The following PAMR1 variants were observed in gnomAD, a reference collection of about 807,000 sequenced individuals.
The protein encoded by PAMR1 is inactive serine protease PAMR1.
PAMR1 carries 88 observed loss-of-function variants against 81.8 expected under a neutral mutation model. That is an observed-to-expected ratio of 1.08 (90% CI 0.91 to 1.28). PAMR1 has a LOEUF of 1.28. PAMR1 is among the 50% of genes most tolerant of loss of function. PAMR1 has a pLI of 0.00. For synonymous variants in PAMR1, 336 were observed against 345.3 expected, an observed-to-expected ratio of 0.97 and a Z score of 0.30; for missense variants, 935 against 919.7, an observed-to-expected ratio of 1.02 and a Z score of -0.21.
chr11:35,462,768 C>A (rs981174992), intron 6 of PAMR1, among the ~76,000 whole-genome samples: 4 of 152,120 alleles, frequency 2.6e-5, no homozygotes, highest in Admixed American at 6.5e-5. Flanking sequence ...GAAAGTGAGG[C>A]TCATAGGAGC....
chr11:35,493,292 G>A (rs1197414518), intron 2 of PAMR1, among the ~76,000 whole-genome samples: 1 of 152,114 alleles, frequency 6.6e-6, no homozygotes, highest in Non-Finnish European at 1.5e-5. Context: ...GATTTCCAAT[G>A]TTATCAAAAT....
At chr11:35,435,609 G>A (rs1011924652) in intron 9 of PAMR1, among the ~76,000 whole-genome samples, 2 of 152,102 alleles carry the variant, frequency 1.3e-5, no homozygotes, top group African/African-American at 4.8e-5. Flanking sequence ...TATAACTTGA[G>A]GCCCTCTGGC....
intron 1 of PAMR1, among the ~76,000 whole-genome samples, chr11:35,498,109 T>C (rs1278438234): frequency 6.6e-6 from 1 of 152,228 alleles, no homozygotes; most frequent in Non-Finnish European, 1.5e-5. Context: ...GGAATGTGTG[T>C]TATTAATAAT....
chr11:35,434,951 C>T (rs1856004039), intron 9 of PAMR1, 147 bp from the exon 10 acceptor site: 1 of 732,996 alleles, frequency 1.4e-6, no homozygotes. Context: ...TTTTCTTCTG[C>T]ATTTAAATAT....
chr11:35,454,115 T>G (rs925798989), intron 6 of PAMR1, among the ~76,000 whole-genome samples: 1 of 152,264 alleles, frequency 6.6e-6, no homozygotes, highest in Non-Finnish European at 1.5e-5. Flanking sequence ...GCATATGTGA[T>G]GGCTTTGGAA....
chr11:35,481,629 T>C (rs896976877), intron 3 of PAMR1, among the ~76,000 whole-genome samples: 21 of 152,096 alleles, frequency 1.4e-4, no homozygotes, highest in African/African-American at 4.3e-4. Flanking sequence ...TTCAAACAAT[T>C]TTCCTGCCTC....
chr11:35,492,506 T>G (rs1850650445), intron 2 of PAMR1, among the ~76,000 whole-genome samples: 1 of 152,178 alleles, frequency 6.6e-6, no homozygotes, highest in Non-Finnish European at 1.5e-5. Context: ...TGTGGAATTT[T>G]TAGAAAATTT....
intron 1 of PAMR1, among the ~76,000 whole-genome samples, chr11:35,515,281 C>T (rs1851141498): frequency 6.6e-6 from 1 of 152,206 alleles, no homozygotes; most frequent in Non-Finnish European, 1.5e-5. Flanking sequence ...ATTACTGTTA[C>T]TGTCCTCCTA....
chr11:35,464,671 G>T (rs1420183608), intron 6 of PAMR1, among the ~76,000 whole-genome samples: 1 of 152,102 alleles, frequency 6.6e-6, no homozygotes, highest in Non-Finnish European at 1.5e-5. Flanking sequence ...ACTTAGGTTT[G>T]CATACCGCAG....
chr11:35,508,402 A>C (rs1565358965), intron 1 of PAMR1, among the ~76,000 whole-genome samples: 1 of 151,074 alleles, frequency 6.6e-6, no homozygotes, highest in Non-Finnish European at 1.5e-5. Flanking sequence ...CCCATATTTG[A>C]GTTCTGGGAC....
At chr11:35,442,132 A>G (rs568356241) in intron 6 of PAMR1, among the ~76,000 whole-genome samples, 1 of 152,380 alleles carries the variant, frequency 6.6e-6, no homozygotes, top group South Asian at 2.1e-4. Flanking sequence ...TATTGTACCC[A>G]GAAAGTAGAG....
intron 1 of PAMR1, among the ~76,000 whole-genome samples, chr11:35,503,861 C>A (rs995362044): frequency 2.6e-4 from 39 of 152,076 alleles, no homozygotes; most frequent in Admixed American, 2.2e-3. Context: ...TCCTTGATTT[C>A]TTTCTCTTGT....
At chr11:35,454,367 G>A (rs1856481373) in intron 6 of PAMR1, among the ~76,000 whole-genome samples, 1 of 152,176 alleles carries the variant, frequency 6.6e-6, no homozygotes, top group Non-Finnish European at 1.5e-5. Context: ...ATGACTGATG[G>A]ATATGGAAGT....
At chr11:35,516,904 A>C (rs1214298707) in intron 1 of PAMR1, among the ~76,000 whole-genome samples, 1 of 152,202 alleles carries the variant, frequency 6.6e-6, no homozygotes, top group Non-Finnish European at 1.5e-5. Flanking sequence ...GGGGCAGCTC[A>C]AACAAATAAT....
chr11:35,436,160 AG>A (rs1192327375), intron 8 of PAMR1, 25 bp from the exon 9 acceptor site: 10 of 1,487,524 alleles, frequency 6.7e-6, no homozygotes, highest in African/African-American at 1.4e-5. Flanking sequence ...ATGGGCCCAG[AG>A]AAAGAGCAGG....
chr11:35,471,701 A>G (rs1273125572), intron 4 of PAMR1, among the ~76,000 whole-genome samples: 1 of 152,184 alleles, frequency 6.6e-6, no homozygotes, highest in Non-Finnish European at 1.5e-5. Flanking sequence ...ACACTGAGAT[A>G]CACCAGATTG....
intron 1 of PAMR1, among the ~76,000 whole-genome samples, chr11:35,515,954 A>G (rs1160754773): frequency 6.6e-6 from 1 of 152,224 alleles, no homozygotes; most frequent in Non-Finnish European, 1.5e-5. Context: ...GAAAACACCC[A>G]GTATCATTCC....
At chr11:35,445,021 A>T (rs1464951560) in intron 6 of PAMR1, among the ~76,000 whole-genome samples, 1 of 152,128 alleles carries the variant, frequency 6.6e-6, no homozygotes, top group Non-Finnish European at 1.5e-5. Context: ...TTCCTTGAGC[A>T]GTGGTTTGTA....
Position 35,474,723 on chromosome 11 carries a change from G to T in PAMR1, c.401C>A (p.Ala134Asp), listed in dbSNP as rs745624580. Reference sequence around the variant, plus strand: ...TTCCAACAAAATCTGACCCTTTGGGGCTCGCAGAACCTGGCCACATCCTAA... The same window carrying T: ...TTCCAACAAAATCTGACCCTTTGGGTCTCGCAGAACCTGGCCACATCCTAA... ...DCMRCGQVLRAPKGQILLESY... is the reference protein window; with the variant it reads ...DCMRCGQVLRDPKGQILLESY... Residue 134 changes from alanine to aspartate, a missense_variant, in exon 4 of 11, where the codon GCC (alanine) becomes GAC (aspartate). Physicochemically the swap from Ala to Asp is moderately radical, Grantham distance 126. Transcript: ENST00000619888. 1.2e-6 allele frequency: 2 copies of T among 1,610,350 alleles called. No homozygotes were observed. Among genetic ancestry groups the T allele is most frequent in the South Asian group, 1.1e-5 (1 of 90,244 alleles).
Sources: allele counts gnomAD v4.1 joint callset (sites outside exome capture counted in the v4.1 genomes callset), GRCh38; gene constraint gnomAD v4.1.1; transcripts MANE v1.5; gene names NCBI Gene and HGNC (gene_info 2026-07-23, HGNC 2026-07-21).